Variants in NMT2 observed in about 807,000 individuals in gnomAD.
The protein encoded by NMT2 is N-myristoyltransferase 2.
Under a neutral mutation model 65.4 loss-of-function variants are expected in NMT2, and 35 were observed. The observed-to-expected ratio is 0.54, with a 90% confidence interval of 0.41 to 0.71. The LOEUF is 0.71. Among genes scored for constraint, NMT2 ranks in the 30% least tolerant of loss-of-function variants. The pLI is 0.00. For synonymous variants in NMT2, 226 were observed against 231.8 expected (o/e 0.98, Z 0.23); for missense variants, 489 against 611.3 (o/e 0.80, Z 2.11).
intron 1 of NMT2, among the ~76,000 whole-genome samples, chr10:15,167,897 G>A (rs1019729884): frequency 2.6e-5 from 4 of 152,222 alleles, no homozygotes; most frequent in Non-Finnish European, 5.9e-5. Context: ...AGGCGAGGCG[G>A]TGCAAAGCCC....
intron 1 of NMT2, among the ~76,000 whole-genome samples, chr10:15,146,003 C>T (rs1268191636): frequency 6.6e-6 from 1 of 152,214 alleles, no homozygotes; most frequent in Non-Finnish European, 1.5e-5. Context: ...CTAATTCAGA[C>T]TCCCAGTACT....
rs1845282349 is a variant in NMT2, at chr10:15,105,846, C to T, written c.*3349G>A. 6.6e-6 allele frequency among the ~76,000 whole-genome samples: 1 copy of T among 152,150 alleles called. No individual in the cohort carries two copies. The highest frequency in any genetic ancestry group is 6.5e-5 in the Admixed American group (1 of 15,274). On this transcript the variant is annotated 3_prime_UTR_variant, in exon 12 of 12. Transcript: ENST00000378165. ...CTCGAAAATGTTAATTAGTAATCTGCTTCAATTATGGAGGCAAATGTAGTT... is the reference window on the plus strand; with the variant it reads ...CTCGAAAATGTTAATTAGTAATCTGTTTCAATTATGGAGGCAAATGTAGTT...
chr10:15,151,216 G>GC (rs1237962649), intron 1 of NMT2, among the ~76,000 whole-genome samples: 7 of 152,020 alleles, frequency 4.6e-5, no homozygotes, highest in Non-Finnish European at 8.8e-5. Flanking sequence ...GCGCCACCAT[G>GC]CTGGCTAATT....
intron 1 of NMT2, among the ~76,000 whole-genome samples, chr10:15,161,504 C>T (rs376543116): frequency 2.8e-4 from 42 of 152,128 alleles, no homozygotes; most frequent in African/African-American, 8.4e-4. Flanking sequence ...TACATACGCC[C>T]GCCACCACAC....
At chr10:15,163,564 G>A (rs1235328782) in intron 1 of NMT2, among the ~76,000 whole-genome samples, 1 of 152,190 alleles carries the variant, frequency 6.6e-6, no homozygotes, top group African/African-American at 2.4e-5. Flanking sequence ...GATTTATACA[G>A]TTGATAACAG....
chr10:15,163,560 TAC>T (rs1177568387), intron 1 of NMT2, among the ~76,000 whole-genome samples: 6 of 152,334 alleles, frequency 3.9e-5, no homozygotes, highest in Non-Finnish European at 8.8e-5. Context: ...TTTAGATTTA[TAC>T]AGTTGATAAC....
Position 15,135,192 on chromosome 10 carries a change from T to TTTGTTGTTG in NMT2, c.391+73_391+81dup, listed in dbSNP as rs574625256. The stretch of plus-strand genomic sequence containing the variant: ...CATGTGAAGTTAACACTCTTTGTGT[T>TTTGTTGTTG]TTGTTGTTGTTGTTGTTGTTGTTGT... On this transcript the variant is annotated intron_variant, in intron 3 of 11. Coordinates refer to ENST00000378165, the MANE Select transcript of NMT2 (RefSeq NM_004808.3). 138 of 1,247,912 alleles carry TTTGTTGTTG rather than the reference T, an allele frequency of 1.1e-4. No homozygotes were observed. The Middle Eastern group carries it at 1.7e-3, about 16-fold the overall frequency. The allele number at this position is 1,247,912 out of a possible 1,614,324, so 77.3% of individuals were successfully genotyped here. A position where few individuals can be genotyped will look rare whatever the true frequency, so the allele number is the denominator to read the frequency against.
intron 2 of NMT2, among the ~76,000 whole-genome samples, chr10:15,138,591 T>C (rs1846607021): frequency 6.6e-6 from 1 of 152,212 alleles, no homozygotes; most frequent in South Asian, 2.1e-4. Flanking sequence ...ACTATACTCT[T>C]TACCCATTGT....
rs1239422956 is a variant in NMT2, at chr10:15,127,546, C to CA, written c.999+803dup. Among the ~76,000 whole-genome samples, 457 of 51,172 alleles carry CA rather than the reference C, an allele frequency of 8.9e-3. 9 individuals are homozygous for CA. Among genetic ancestry groups the CA allele is most frequent in the Middle Eastern group, 0.019 (1 of 52 alleles). The allele number at this position is 51,172 out of a possible 152,430, so 33.6% of individuals were successfully genotyped here. A position where few individuals can be genotyped will look rare whatever the true frequency, so the allele number is the denominator to read the frequency against. ...TGGGCGACAGAGTGAGACTCCGTCT[C>CA]AAAAAAAAAAAAAAAAAAAAAAAAT... On this transcript the variant is annotated intron_variant, in intron 8 of 11. Coordinates refer to ENST00000378165, the MANE Select transcript of NMT2 (RefSeq NM_004808.3).
intron 1 of NMT2, among the ~76,000 whole-genome samples, chr10:15,157,101 C>G (rs745942766): frequency 1.3e-5 from 2 of 152,098 alleles, no homozygotes; most frequent in Non-Finnish European, 2.9e-5. Context: ...CTTATGTTAA[C>G]TGAATCCCCA....
rs1047582686 is a variant in NMT2 at position 15,106,730 on chromosome 10, C to T, written c.*2465G>A. On this transcript the variant is annotated 3_prime_UTR_variant, in exon 12 of 12. Coordinates refer to ENST00000378165, the MANE Select transcript of NMT2 (RefSeq NM_004808.3). Reference sequence around the variant, plus strand: ...AAGACCAGAGAGTGAATATCTTAGGCTTTGCAGGCCACACAATCTGTCACA... The same window carrying T: ...AAGACCAGAGAGTGAATATCTTAGGTTTTGCAGGCCACACAATCTGTCACA... 2.4e-5 allele frequency: 19 copies of T among 799,490 alleles called. No homozygotes were observed. In the African/African-American group the frequency reaches 2.8e-4, roughly 12 times the overall value. 49.5% of individuals were successfully genotyped at this position (799,490 alleles called of 1,614,324 possible). A position where few individuals can be genotyped will look rare whatever the true frequency, so the allele number is the denominator to read the frequency against.
intron 8 of NMT2, among the ~76,000 whole-genome samples, chr10:15,127,801 G>A (rs1275151772): frequency 6.6e-6 from 1 of 151,190 alleles, no homozygotes; most frequent in Non-Finnish European, 1.5e-5. Flanking sequence ...TACTTGGGAG[G>A]CTGAGGTGGG....
intron 9 of NMT2, among the ~76,000 whole-genome samples, chr10:15,116,304 T>C (rs1360472872): frequency 1.3e-5 from 2 of 151,956 alleles, no homozygotes; most frequent in Non-Finnish European, 2.9e-5. Context: ...CACAGCAAAA[T>C]TGAACAGCAC....
At chr10:15,164,849 T>C (rs148667397) in intron 1 of NMT2, among the ~76,000 whole-genome samples, 3,643 of 150,122 alleles carry the variant, frequency 0.024, 144 homozygotes, top group African/African-American at 0.083. Flanking sequence ...CTGACCAACA[T>C]GGTAAAACCC....
chr10:15,117,489 C>T (rs1054958557), intron 9 of NMT2, among the ~76,000 whole-genome samples: 6 of 152,118 alleles, frequency 3.9e-5, no homozygotes, highest in African/African-American at 1.4e-4. Context: ...AAGAACACGA[C>T]GAGGATGACA....
rs1456412982 is a variant in NMT2 at position 15,107,936 on chromosome 10, A to G, written c.*1259T>C. 6 of 985,370 alleles carry G rather than the reference A, an allele frequency of 6.1e-6. No homozygotes were observed. Among genetic ancestry groups the G allele is most frequent in the Non-Finnish European group, 7.2e-6 (6 of 829,636 alleles). 61.0% of individuals were successfully genotyped at this position (985,370 alleles called of 1,614,324 possible). A position where few individuals can be genotyped will look rare whatever the true frequency, so the allele number is the denominator to read the frequency against. ...ATGAATACTTATTTACAAATAAGACATTTTCCATTAGCATGACACATGACA... is the reference window on the plus strand; with the variant it reads ...ATGAATACTTATTTACAAATAAGACGTTTTCCATTAGCATGACACATGACA... On this transcript the variant is annotated 3_prime_UTR_variant, in exon 12 of 12. Transcript: ENST00000378165.
At chr10:15,130,991 T>C (rs1483695944) in intron 6 of NMT2, among the ~76,000 whole-genome samples, 1 of 152,030 alleles carries the variant, frequency 6.6e-6, no homozygotes, top group Non-Finnish European at 1.5e-5. Flanking sequence ...GGTTTCACCA[T>C]GTTGGCTACG....
At chr10:15,127,842 G>T (rs1408889588) in intron 8 of NMT2, among the ~76,000 whole-genome samples, 1 of 151,572 alleles carries the variant, frequency 6.6e-6, no homozygotes, top group Non-Finnish European at 1.5e-5. Context: ...GGCAGAGGTT[G>T]CAGTGAGCTG....
chr10:15,131,502 T>C (rs1285041583), intron 6 of NMT2, among the ~76,000 whole-genome samples: 2 of 152,106 alleles, frequency 1.3e-5, no homozygotes, highest in Non-Finnish European at 2.9e-5. Flanking sequence ...AACTGAGTCA[T>C]CCTGGTGCAG....
Sources: gnomAD v4.1 joint callset for allele counts (sites outside exome capture counted in the v4.1 genomes callset) on GRCh38, gnomAD v4.1.1 for gene constraint, MANE v1.5 for transcripts, NCBI Gene and HGNC (gene_info 2026-07-23, HGNC 2026-07-21) for gene names.